Variants in BCAS4 observed in about 807,000 individuals in gnomAD.
BCAS4 encodes the protein breast carcinoma-amplified sequence 4.
In BCAS4, 9 loss-of-function variants were observed where a neutral mutation model predicts 15.7. That is an observed-to-expected ratio of 0.57 (90% CI 0.34 to 1.00). The LOEUF (loss-of-function observed/expected upper bound fraction) is 1.00, where lower values mean the gene tolerates loss of function less well. BCAS4 is among the 50% of genes least tolerant of loss of function. BCAS4 has a pLI of 0.02. For missense variants in BCAS4, 225 were observed against 239.1 expected (o/e 0.94, Z 0.39); for synonymous variants, 101 against 99.5 (o/e 1.02, Z -0.09).
chr20:50,866,119 C>T (rs1428579948), intron 4 of BCAS4, among the ~76,000 whole-genome samples: 2 of 152,200 alleles, frequency 1.3e-5, no homozygotes, highest in Non-Finnish European at 2.9e-5. Flanking sequence ...GCCCTGTTCT[C>T]TCCAAGCCCG....
chr20:50,876,408 C>T, intron 4 of BCAS4, 78 bp from the exon 5 acceptor site: 5 of 1,566,550 alleles, frequency 3.2e-6, no homozygotes, highest in Non-Finnish European at 4.3e-6. Context: ...GCAGGATGAA[C>T]TTGTAGACCG....
chr20:50,810,779 A>G (rs1420709678), intron 1 of BCAS4, among the ~76,000 whole-genome samples: 1 of 151,684 alleles, frequency 6.6e-6, no homozygotes, highest in Non-Finnish European at 1.5e-5. Context: ...TTTAGTAGAG[A>G]CGGGGTTTCA....
At chr20:50,844,889 G>A (rs889071778) in intron 4 of BCAS4, among the ~76,000 whole-genome samples, 3 of 152,130 alleles carry the variant, frequency 2.0e-5, no homozygotes, top group Non-Finnish European at 4.4e-5. Flanking sequence ...CCAGGGGTGG[G>A]TGAGTCATTC....
At chr20:50,796,789 C>A (rs1286743824) in intron 1 of BCAS4, among the ~76,000 whole-genome samples, 1 of 151,230 alleles carries the variant, frequency 6.6e-6, no homozygotes, top group Admixed American at 6.6e-5. Flanking sequence ...CCACAGCGCC[C>A]AGCCATCTCC....
intron 4 of BCAS4, among the ~76,000 whole-genome samples, chr20:50,864,439 ATT>A (rs397866091): frequency 0.015 from 1,431 of 97,830 alleles, 8 homozygotes; most frequent in African/African-American, 0.022. Context: ...ATCATGATTG[ATT>A]TTTTTTTTTT....
At chr20:50,837,427 G>T (rs1232943801) in intron 3 of BCAS4, among the ~76,000 whole-genome samples, 1 of 152,134 alleles carries the variant, frequency 6.6e-6, no homozygotes, top group South Asian at 2.1e-4. Context: ...GTGTCCAGGG[G>T]GGAAAATGTG....
rs199806727 is a variant in BCAS4 at position 50,811,251 on chromosome 20, G to A, written c.91-6960G>A. Among the ~76,000 whole-genome samples, 9 of 152,096 alleles carry A rather than the reference G, an allele frequency of 5.9e-5. No homozygotes were observed. In the East Asian group the frequency reaches 1.7e-3, roughly 29 times the overall value. On this transcript the variant is annotated intron_variant, in intron 1 of 4. Transcript: ENST00000371608. ...ATGGTGGTGCCCATCTGTAGTCCCA[G>A]CTACTCAAGAGGCTGAGGCGGGAGG...
intron 4 of BCAS4, among the ~76,000 whole-genome samples, chr20:50,845,403 C>G (rs932353656): frequency 3.9e-5 from 6 of 152,138 alleles, no homozygotes; most frequent in African/African-American, 1.4e-4. Flanking sequence ...AGCGCCTCCT[C>G]CCCCAGGGTG....
intron 1 of BCAS4, among the ~76,000 whole-genome samples, chr20:50,805,885 G>C (rs1485102996): frequency 1.3e-5 from 2 of 151,418 alleles, no homozygotes; most frequent in Non-Finnish European, 2.9e-5. Context: ...TCTGAGGTAG[G>C]AAAATTGCTT....
intron 4 of BCAS4, among the ~76,000 whole-genome samples, chr20:50,874,226 AC>A (rs1979804323): frequency 6.6e-6 from 1 of 152,032 alleles, no homozygotes; most frequent in African/African-American, 2.4e-5. Context: ...TCCCAGGTGG[AC>A]CCCAGCCCTT....
Position 50,795,120 on chromosome 20 carries a change from C to T in BCAS4, c.37C>T (p.Arg13Cys). Residue 13 changes from arginine to cysteine, a missense_variant, in exon 1 of 5, where the codon CGC (arginine) becomes TGC (cysteine). Transcript: ENST00000371608. The part of the protein sequence containing the change: ...LVDADQPEPM[R>C]SGARELALFL... The stretch of plus-strand genomic sequence containing the variant: ...GGACGCTGATCAGCCGGAGCCCATG[C>T]GCAGCGGGGCGCGCGAGCTCGCGCT... The T allele has an allele frequency of 6.7e-7, 1 of 1,489,038 alleles. No individual in the cohort carries two copies. The allele number at this position is 1,489,038 out of a possible 1,614,324, so 92.2% of individuals were successfully genotyped here.
At chr20:50,825,080 G>A (rs540079065) in intron 2 of BCAS4, among the ~76,000 whole-genome samples, 4 of 152,132 alleles carry the variant, frequency 2.6e-5, no homozygotes, top group African/African-American at 4.8e-5. Flanking sequence ...GTTTCTCTGA[G>A]CCTCGGTTTT....
chr20:50,874,327 C>T (rs546013394), intron 4 of BCAS4, among the ~76,000 whole-genome samples: 4 of 152,298 alleles, frequency 2.6e-5, no homozygotes, highest in East Asian at 1.9e-4. Context: ...CCTGGAACAC[C>T]GGCCCTTGGT....
At chr20:50,814,750 G>A (rs893483256) in intron 1 of BCAS4, among the ~76,000 whole-genome samples, 2 of 152,142 alleles carry the variant, frequency 1.3e-5, no homozygotes, top group Non-Finnish European at 2.9e-5. Context: ...TACTGCATAG[G>A]GTTCTTGTGA....
chr20:50,806,744 C>G (rs1252914945), intron 1 of BCAS4, among the ~76,000 whole-genome samples: 1 of 148,812 alleles, frequency 6.7e-6, no homozygotes, highest in East Asian at 1.9e-4. Context: ...TATATATATT[C>G]AGGGGGTACA....
chr20:50,794,959 CA>C, upstream of BCAS4: 1 of 1,212,830 alleles, frequency 8.2e-7, no homozygotes, highest in Non-Finnish European at 1.0e-6. Flanking sequence ...GCCGGGAGCG[CA>C]CCTGCCCCGC....
chr20:50,876,304 A>G (rs1299695983), intron 4 of BCAS4, among the ~76,000 whole-genome samples, 182 bp from the exon 5 acceptor site: 4 of 151,130 alleles, frequency 2.6e-5, no homozygotes, highest in Non-Finnish European at 5.9e-5. Context: ...AGGGCCTGAC[A>G]TGGATGCCTT....
chr20:50,849,846 G>A (rs1382004321), intron 4 of BCAS4, among the ~76,000 whole-genome samples: 2 of 152,156 alleles, frequency 1.3e-5, no homozygotes, highest in East Asian at 3.8e-4. Context: ...AACATGTTGT[G>A]GCTGGAGCAG....
At chr20:50,857,848 G>C (rs934890716) in intron 4 of BCAS4, among the ~76,000 whole-genome samples, 2 of 152,176 alleles carry the variant, frequency 1.3e-5, no homozygotes, top group South Asian at 2.1e-4. Context: ...TGGTTCTGTT[G>C]AGAATGTCCA....
Sources: allele counts gnomAD v4.1 joint callset (sites outside exome capture counted in the v4.1 genomes callset), GRCh38; gene constraint gnomAD v4.1.1; transcripts MANE v1.5; gene names NCBI Gene and HGNC (gene_info 2026-07-23, HGNC 2026-07-21).